Variants in PPIL6 observed in about 807,000 individuals in gnomAD.
PPIL6 encodes peptidylprolyl isomerase like 6.
Under a neutral mutation model 36.8 loss-of-function variants are expected in PPIL6, and 39 were observed. The observed-to-expected ratio is 1.06, with a 90% CI of 0.82 to 1.38. The LOEUF is 1.38. PPIL6 is among the 40% of genes most tolerant of loss of function. The pLI, the probability that PPIL6 is intolerant of heterozygous loss-of-function variation, is 0.00. For synonymous variants in PPIL6, 123 were observed against 134.1 expected, an observed-to-expected ratio of 0.92 and a Z score of 0.57; for missense variants, 368 against 379.1, an observed-to-expected ratio of 0.97 and a Z score of 0.24.
At chr6:109,436,276 G>A (rs993323322) in intron 1 of PPIL6, 77 bp from the exon 2 acceptor site, 2 of 879,664 alleles carry the variant, frequency 2.3e-6, no homozygotes, top group African/African-American at 1.7e-5. Context: ...AATTTTTACG[G>A]GGTTTCCAGA....
chr6:109,424,937 G>A (rs1773737650), intron 5 of PPIL6, among the ~76,000 whole-genome samples: 1 of 152,190 alleles, frequency 6.6e-6, no homozygotes, highest in South Asian at 2.1e-4. Flanking sequence ...TGTCTACAGA[G>A]TAGCCATTCT....
chr6:109,441,027 C>A (rs1301923051), upstream of PPIL6: 4 of 1,272,838 alleles, frequency 3.1e-6, no homozygotes, highest in Non-Finnish European at 4.5e-6. Context: ...GAAGAAGGAA[C>A]GGTCTGGGGA....
intron 5 of PPIL6, among the ~76,000 whole-genome samples, chr6:109,425,610 G>A (rs1773771372): frequency 6.6e-6 from 1 of 152,094 alleles, no homozygotes; most frequent in Admixed American, 6.5e-5. Context: ...TTAGCCAGGT[G>A]TGGGGGTGGG....
chr6:109,415,363 G>T (rs1235460078), intron 6 of PPIL6, among the ~76,000 whole-genome samples: 1 of 152,184 alleles, frequency 6.6e-6, no homozygotes, highest in East Asian at 1.9e-4. Flanking sequence ...TCTAGTGTCA[G>T]TTTGTTTCCT....
At chr6:109,393,728 A>G (rs1772185799) in intron 7 of PPIL6, among the ~76,000 whole-genome samples, 1 of 151,716 alleles carries the variant, frequency 6.6e-6, no homozygotes. Context: ...GGCTTTCAGT[A>G]CCTCAAGAGC....
chr6:109,401,026 ATT>A (rs749611966), intron 6 of PPIL6, among the ~76,000 whole-genome samples: 72 of 114,910 alleles, frequency 6.3e-4, no homozygotes, highest in South Asian at 3.3e-3. Context: ...TGCCCGGCTA[ATT>A]TTTTTTTTTT....
intron 6 of PPIL6, among the ~76,000 whole-genome samples, chr6:109,415,024 T>C (rs1773185364): frequency 6.6e-6 from 1 of 152,136 alleles, no homozygotes; most frequent in Non-Finnish European, 1.5e-5. Flanking sequence ...AAGTGGATCA[T>C]CATAACAGTC....
At chr6:109,418,911 G>A (rs959575002) in intron 6 of PPIL6, among the ~76,000 whole-genome samples, 5 of 152,018 alleles carry the variant, frequency 3.3e-5, no homozygotes, top group Middle Eastern at 3.2e-3. Context: ...GAAATTACAA[G>A]CCCTAAAAAT....
chr6:109,429,803 T>C (rs1233395201), intron 3 of PPIL6, among the ~76,000 whole-genome samples: 2 of 152,216 alleles, frequency 1.3e-5, no homozygotes, highest in Admixed American at 1.3e-4. Flanking sequence ...TCCAAAGCTG[T>C]TGTCCAGCTT....
intron 5 of PPIL6, among the ~76,000 whole-genome samples, chr6:109,424,275 C>T (rs1222155080): frequency 6.6e-6 from 1 of 152,032 alleles, no homozygotes; most frequent in East Asian, 1.9e-4. Flanking sequence ...CGGTATGTGC[C>T]CCAGGCAAAA....
intron 6 of PPIL6, among the ~76,000 whole-genome samples, chr6:109,411,584 C>T (rs1773015575): frequency 6.6e-6 from 1 of 152,160 alleles, no homozygotes; most frequent in African/African-American, 2.4e-5. Context: ...AAGTGCTTTC[C>T]CAAGTCTCAC....
At chr6:109,433,805 G>C (rs1774297200) in intron 2 of PPIL6, among the ~76,000 whole-genome samples, 1 of 152,208 alleles carries the variant, frequency 6.6e-6, no homozygotes. Flanking sequence ...AGCCAGAGGA[G>C]AAGGGAGGGA....
At chr6:109,401,031 T>G (rs1253055893) in intron 6 of PPIL6, among the ~76,000 whole-genome samples, 1 of 142,414 alleles carries the variant, frequency 7.0e-6, no homozygotes, top group Non-Finnish European at 1.6e-5. Flanking sequence ...GGCTAATTTT[T>G]TTTTTTTTTT....
intron 7 of PPIL6, among the ~76,000 whole-genome samples, chr6:109,396,520 C>T (rs930153131): frequency 1.3e-5 from 2 of 152,160 alleles, no homozygotes; most frequent in African/African-American, 2.4e-5. Flanking sequence ...GGCCTCTCTG[C>T]GAAACCTCTT....
Position 109,431,359 on chromosome 6 carries a change from G to T in PPIL6, c.232-14C>A. On this transcript the variant is annotated splice_polypyrimidine_tract_variant and intron_variant, in intron 2 of 7. Transcript: ENST00000521072. ...ATTTTTGAGTTCCTGTAAGGGAAAA[G>T]GACAAAAAAAAAAAAAAACGTAAGA... The T allele has an allele frequency of 1.6e-6, 2 of 1,223,812 alleles. No individual in the cohort carries two copies. Among genetic ancestry groups the T allele is most frequent in the Non-Finnish European group, 1.1e-6 (1 of 946,862 alleles). 75.8% of individuals were successfully genotyped at this position (1,223,812 alleles called of 1,614,324 possible). A position where few individuals can be genotyped will look rare whatever the true frequency, so the allele number is the denominator to read the frequency against.
Position 109,400,020 on chromosome 6 carries a change from C to G in PPIL6, c.824+15G>C. On this transcript the variant is annotated intron_variant, in intron 7 of 7. Coordinates refer to ENST00000521072, the MANE Select transcript of PPIL6 (RefSeq NM_173672.5). ...AGGTGTGAATATTATATAAATAGAT[C>G]TACAATATACATACCCAAAAGCCAC... 1.3e-6 allele frequency: 2 copies of G among 1,572,674 alleles called. No homozygotes were observed. The highest frequency in any genetic ancestry group is 1.7e-6 in the Non-Finnish European group (2 of 1,151,808).
In PPIL6 at chr6:109,440,317, G is replaced by A. The variant is rs1181561830; in HGVS notation, c.135+139C>T. ...CGGTCCTCCAGACGGAGCCCGCCCG[G>A]CCAGGACACGCCAGCCCCTTCCTCG... On this transcript the variant is annotated intron_variant, in intron 1 of 7. Coordinates refer to ENST00000521072, the MANE Select transcript of PPIL6 (RefSeq NM_173672.5). 6 of 1,115,440 alleles carry A rather than the reference G, an allele frequency of 5.4e-6. No individual in the cohort carries two copies. The East Asian group carries it at 1.6e-4, about 30-fold the overall frequency. The allele number at this position is 1,115,440 out of a possible 1,614,324, so 69.1% of individuals were successfully genotyped here.
intron 7 of PPIL6, among the ~76,000 whole-genome samples, chr6:109,397,712 A>G (rs539558240): frequency 6.6e-6 from 1 of 152,210 alleles, no homozygotes; most frequent in East Asian, 1.9e-4. Flanking sequence ...GTGGTAATGG[A>G]GGCACTAAAT....
chr6:109,403,383 A>G (rs748051192), intron 6 of PPIL6, among the ~76,000 whole-genome samples: 2 of 152,280 alleles, frequency 1.3e-5, no homozygotes, highest in Admixed American at 6.5e-5. Context: ...AAGTTGCTTT[A>G]TACTTCCATG....
Sources: allele counts gnomAD v4.1 joint callset (sites outside exome capture counted in the v4.1 genomes callset), GRCh38; gene constraint gnomAD v4.1.1; transcripts MANE v1.5; gene names NCBI Gene and HGNC (gene_info 2026-07-23, HGNC 2026-07-21).